ZBTB20: variants seen among roughly 807,000 people sequenced by gnomAD.
The protein encoded by ZBTB20 is zinc finger and BTB domain-containing protein 20.
ZBTB20 carries 9 observed loss-of-function variants against 56.9 expected under a neutral mutation model. The observed-to-expected ratio is 0.16, with a 90% CI of 0.10 to 0.28. ZBTB20 has a LOEUF of 0.28. ZBTB20 is among the 10% of genes least tolerant of loss of function. The pLI is 1.00. For missense variants in ZBTB20, 655 were observed against 1,003.0 expected, an observed-to-expected ratio of 0.65 and a Z score of 4.69; for synonymous variants, 417 against 420.7, an observed-to-expected ratio of 0.99 and a Z score of 0.11.
In ZBTB20 at chr3:114,770,191, G is replaced by A. The variant is rs114782448; in HGVS notation, c.-343+30910C>T. 7.7e-3 allele frequency among the ~76,000 whole-genome samples: 1,171 copies of A among 151,524 alleles called. 10 individuals carry two copies. The highest frequency in any genetic ancestry group is 0.026 in the African/African-American group (1,059 of 41,300). ...ATGGGTACACCAAAACTCACAAATC[G>A]CCACTAAAGAACTTACTCGTATAGA... On this transcript the variant is annotated intron_variant, in intron 5 of 11. Coordinates refer to ENST00000675478, the MANE Select transcript of ZBTB20 (RefSeq NM_001348800.3).
chr3:114,402,674 T>C (rs1318829857), intron 7 of ZBTB20, among the ~76,000 whole-genome samples: 1 of 152,180 alleles, frequency 6.6e-6, no homozygotes, highest in Non-Finnish European at 1.5e-5. Context: ...GCTTATTTCA[T>C]GTGCTTTGTG....
intron 5 of ZBTB20, among the ~76,000 whole-genome samples, chr3:114,714,489 C>T (rs907260327): frequency 4.6e-5 from 7 of 151,872 alleles, no homozygotes; most frequent in Non-Finnish European, 7.4e-5. Flanking sequence ...GATGTCACAG[C>T]TTCCTGCTCT....
intron 6 of ZBTB20, among the ~76,000 whole-genome samples, chr3:114,631,129 A>T (rs1431724859): frequency 1.3e-4 from 20 of 152,114 alleles, no homozygotes; most frequent in Admixed American, 1.2e-3. Context: ...TAATTTACTT[A>T]AGAAAAAAAT....
intron 1 of ZBTB20, among the ~76,000 whole-genome samples, chr3:115,115,710 GT>G (rs2083998710): frequency 6.6e-6 from 1 of 151,908 alleles, no homozygotes; most frequent in African/African-American, 2.4e-5. Flanking sequence ...TTTTAATATT[GT>G]TTTTTAAATC....
chr3:115,025,720 A>G (rs2080397282), intron 2 of ZBTB20, among the ~76,000 whole-genome samples: 1 of 149,866 alleles, frequency 6.7e-6, no homozygotes, highest in African/African-American at 2.4e-5. Flanking sequence ...AATAAGAAAA[A>G]CTCCACTTTC....
intron 6 of ZBTB20, among the ~76,000 whole-genome samples, chr3:114,593,638 C>T (rs756504156): frequency 2.0e-5 from 3 of 152,102 alleles, no homozygotes; most frequent in Non-Finnish European, 4.4e-5. Context: ...CCCACCTTGG[C>T]CTCCCAAAGT....
intron 2 of ZBTB20, among the ~76,000 whole-genome samples, chr3:115,016,880 C>G (rs186761012): frequency 6.6e-6 from 1 of 151,476 alleles, no homozygotes; most frequent in South Asian, 2.1e-4. Flanking sequence ...AAAGAACATA[C>G]CTCAAAATAG....
Position 114,766,821 on chromosome 3 carries a change from T to C in ZBTB20, c.-343+34280A>G, listed in dbSNP as rs972387735. Among the ~76,000 whole-genome samples, 4 of 152,168 alleles carry C rather than the reference T, an allele frequency of 2.6e-5. No homozygotes were observed. The East Asian group carries it at 7.7e-4, about 29-fold the overall frequency. ...ATTCAAACCCTACAAGAAAACTGCT[T>C]TGCAACATTTTTAACTGACAACAGA... On this transcript the variant is annotated intron_variant, in intron 5 of 11. Transcript: ENST00000675478.
At chr3:114,449,229 T>G (rs1011571051) in intron 7 of ZBTB20, among the ~76,000 whole-genome samples, 3 of 152,170 alleles carry the variant, frequency 2.0e-5, no homozygotes, top group Non-Finnish European at 4.4e-5. Context: ...AAAAAACGGC[T>G]AATTGGATTT....
chr3:114,664,628 C>CACAT (rs71616316), intron 6 of ZBTB20, among the ~76,000 whole-genome samples: 1 of 151,422 alleles, frequency 6.6e-6, no homozygotes, highest in Non-Finnish European at 1.5e-5. Context: ...CACACACACA[C>CACAT]GTACTAGCCT....
At chr3:114,505,297 AAAC>A (rs2044472540) in intron 6 of ZBTB20, among the ~76,000 whole-genome samples, 1 of 152,206 alleles carries the variant, frequency 6.6e-6, no homozygotes, top group South Asian at 2.1e-4. Flanking sequence ...TGCTAAGAGA[AAAC>A]AATAATAGTG....
chr3:115,055,672 G>C (rs917063898), intron 2 of ZBTB20, among the ~76,000 whole-genome samples: 10 of 151,970 alleles, frequency 6.6e-5, no homozygotes, highest in Non-Finnish European at 8.8e-5. Context: ...ACTGTCCCTA[G>C]AAGACAGTAA....
At chr3:114,810,133 G>GT (rs1560276234) in intron 4 of ZBTB20, among the ~76,000 whole-genome samples, 1 of 152,098 alleles carries the variant, frequency 6.6e-6, no homozygotes, top group African/African-American at 2.4e-5. Flanking sequence ...GTTTACAAGT[G>GT]TTTTTTTGAT....
intron 1 of ZBTB20, among the ~76,000 whole-genome samples, chr3:115,131,921 G>A (rs1481642705): frequency 6.6e-6 from 1 of 152,008 alleles, no homozygotes; most frequent in African/African-American, 2.4e-5. Context: ...GTATGCCTAG[G>A]CCATGACCAT....
At chr3:114,405,086 A>G (rs1287509125) in intron 7 of ZBTB20, among the ~76,000 whole-genome samples, 1 of 152,060 alleles carries the variant, frequency 6.6e-6, no homozygotes, top group East Asian at 1.9e-4. Flanking sequence ...TCCTCATAGG[A>G]GGAAAAAAAA....
At chr3:114,863,586 C>T (rs2075633296) in intron 4 of ZBTB20, among the ~76,000 whole-genome samples, 1 of 152,066 alleles carries the variant, frequency 6.6e-6, no homozygotes, top group Non-Finnish European at 1.5e-5. Context: ...TGAGGTTACC[C>T]TGTGGGACAA....
At chr3:115,085,444 C>T (rs1195077226) in intron 1 of ZBTB20, among the ~76,000 whole-genome samples, 1 of 151,928 alleles carries the variant, frequency 6.6e-6, no homozygotes, top group African/African-American at 2.4e-5. Flanking sequence ...ACCAGGGAAC[C>T]TAACTCTCAC....
chr3:114,394,417 G>A (rs983847702), intron 7 of ZBTB20, among the ~76,000 whole-genome samples: 1 of 152,162 alleles, frequency 6.6e-6, no homozygotes, highest in Non-Finnish European at 1.5e-5. Context: ...CACAGTACAA[G>A]GAAGATGCTT....
intron 3 of ZBTB20, among the ~76,000 whole-genome samples, chr3:114,907,350 T>C (rs1182012066): frequency 6.6e-6 from 1 of 151,950 alleles, no homozygotes; most frequent in Non-Finnish European, 1.5e-5. Flanking sequence ...CTTACTAATT[T>C]GGTCAAACTT....
Sources: allele counts gnomAD v4.1 joint callset (sites outside exome capture counted in the v4.1 genomes callset), GRCh38; gene constraint gnomAD v4.1.1; transcripts MANE v1.5; gene names NCBI Gene and HGNC (gene_info 2026-07-23, HGNC 2026-07-21).